The following KCNMB3 variants were observed in gnomAD, a reference collection of about 807,000 sequenced individuals.
The protein encoded by KCNMB3 is calcium-activated potassium channel subunit beta-3.
In KCNMB3, 18 loss-of-function variants were observed where a neutral mutation model predicts 11.9. The ratio of observed to expected loss-of-function variants is 1.51; its 90% CI spans 1.04 to 2.23. The LOEUF (loss-of-function observed/expected upper bound fraction) is 2.23. KCNMB3 is among the 30% of genes most tolerant of loss of function. The pLI is 0.00. For synonymous variants in KCNMB3, 78 were observed against 119.2 expected (o/e 0.65, Z 2.25); for missense variants, 247 against 329.4 (o/e 0.75, Z 1.94).
At chr3:179,254,816 A>G (rs1725959940), upstream of KCNMB3, among the ~76,000 whole-genome samples, 2 of 152,170 alleles carry the variant, frequency 1.3e-5, no homozygotes, top group Admixed American at 6.5e-5. Flanking sequence ...AATAAAATAA[A>G]AAAAGAAGAC....
chr3:179,239,894 G>A, downstream of KCNMB3: 1 of 688,674 alleles, frequency 1.5e-6, no homozygotes, highest in East Asian at 2.9e-5. Flanking sequence ...CAAGATGCAT[G>A]TGTTACTATA....
At chr3:179,248,303 T>C (rs1333135155) in intron 1 of KCNMB3, among the ~76,000 whole-genome samples, 4 of 152,198 alleles carry the variant, frequency 2.6e-5, no homozygotes, top group East Asian at 3.8e-4. Flanking sequence ...ATAGTATGTA[T>C]TGAGCATACA....
chr3:179,258,088 G>A (rs973150520), intron 1 of KCNMB3, among the ~76,000 whole-genome samples: 15 of 152,118 alleles, frequency 9.9e-5, no homozygotes, highest in African/African-American at 3.1e-4. Context: ...GTTTCACCAT[G>A]TTGGCCAGGC....
intron 1 of KCNMB3, among the ~76,000 whole-genome samples, chr3:179,246,183 G>A (rs560851758): frequency 7.3e-4 from 111 of 152,268 alleles, no homozygotes; most frequent in Non-Finnish European, 1.4e-3. Context: ...AGGCCGAGGC[G>A]GGCAGATCAC....
chr3:179,250,079 T>G (rs1725783712), intron 1 of KCNMB3, among the ~76,000 whole-genome samples: 1 of 152,012 alleles, frequency 6.6e-6, no homozygotes, highest in Non-Finnish European at 1.5e-5. Context: ...AGAAAACATG[T>G]TTACTATTTA....
At chr3:179,250,083 C>G (rs1241975431) in intron 1 of KCNMB3, among the ~76,000 whole-genome samples, 1 of 152,082 alleles carries the variant, frequency 6.6e-6, no homozygotes, top group Admixed American at 6.6e-5. Context: ...AACATGTTTA[C>G]TATTTACTAA....
rs757413543 is a variant in KCNMB3 at position 179,250,942 on chromosome 3, G to A, written c.49C>T (p.Pro17Ser). The change falls in exon 1 of 3, where the codon CCC (proline) becomes TCC (serine). Residue 17 changes from proline to serine, a missense_variant. Coordinates refer to ENST00000392685, the MANE Select transcript of KCNMB3 (RefSeq NM_171830.2). ...GAGGCAGGAAAGGCTGTCCTTTGGG[G>A]AAAGGGAGAAGGAGATACTGCAGTG... ...ELTAVSPSPF[P>S]QRTAFPASGK... 5 of 1,614,024 alleles carry A rather than the reference G, an allele frequency of 3.1e-6. No individual in the cohort carries two copies. The highest frequency in any genetic ancestry group is 1.7e-5 in the Admixed American group (1 of 60,000).
exon 1 of KCNMB3, chr3:179,266,930 GTC>G (rs1434164237): frequency 1.4e-6 from 2 of 1,407,946 alleles, no homozygotes; most frequent in Admixed American, 5.8e-5. Flanking sequence ...AGGCGGAGCG[GTC>G]AGTTCTAGAT....
upstream of KCNMB3, chr3:179,251,778 G>C: frequency 2.0e-6 from 1 of 505,198 alleles, no homozygotes; most frequent in Non-Finnish European, 3.1e-6. Flanking sequence ...CCCAGGCTGG[G>C]TACGATCTCA....
At chr3:179,258,999 C>T (rs566399598) in intron 1 of KCNMB3, 23 of 1,613,650 alleles carry the variant, frequency 1.4e-5, no homozygotes, top group East Asian at 1.1e-4. Flanking sequence ...CTGTGCACCA[C>T]GCCTGCCGCC....
In KCNMB3 at chr3:179,244,442, C is replaced by T. The variant is rs142185837; in HGVS notation, c.447+53G>A. 55 of 1,443,648 alleles carry T rather than the reference C, an allele frequency of 3.8e-5. No individual in the cohort carries two copies. The African/African-American group carries it at 7.0e-4, about 18-fold the overall frequency. The allele number at this position is 1,443,648 out of a possible 1,614,324, so 89.4% of individuals were successfully genotyped here. A position where few individuals can be genotyped will look rare whatever the true frequency, so the allele number is the denominator to read the frequency against. On this transcript the variant is annotated intron_variant, in intron 2 of 2. Coordinates refer to ENST00000392685, the MANE Select transcript of KCNMB3 (RefSeq NM_171830.2). ...GGTTATTTATGTACCCTGCTAGGGA[C>T]AGTCTGGCAGGGAAGGGTTGCTGTC... is the stretch of plus-strand genomic sequence containing the variant.
At chr3:179,254,486 T>G (rs1032159854), upstream of KCNMB3, among the ~76,000 whole-genome samples, 2 of 152,210 alleles carry the variant, frequency 1.3e-5, no homozygotes, top group Non-Finnish European at 2.9e-5. Context: ...GTATGTTCTC[T>G]GTAGGCACAC....
At chr3:179,262,377 G>A (rs1282294232) in intron 1 of KCNMB3, among the ~76,000 whole-genome samples, 1 of 151,982 alleles carries the variant, frequency 6.6e-6, no homozygotes. Flanking sequence ...TTAAGGCGGC[G>A]CCTCTGGAGT....
upstream of KCNMB3, among the ~76,000 whole-genome samples, chr3:179,253,127 T>G (rs1415503955): frequency 1.3e-5 from 2 of 152,204 alleles, no homozygotes; most frequent in African/African-American, 4.8e-5. Context: ...CAGGACCCAA[T>G]ATCCTGCATT....
At chr3:179,253,831 T>TA (rs1239571386), upstream of KCNMB3, among the ~76,000 whole-genome samples, 1 of 152,018 alleles carries the variant, frequency 6.6e-6, no homozygotes, top group Non-Finnish European at 1.5e-5. Flanking sequence ...TAAATAAATT[T>TA]AAAAATTTTT....
At chr3:179,267,031 C>A, upstream of KCNMB3, 2 of 733,264 alleles carry the variant, frequency 2.7e-6, no homozygotes, top group African/African-American at 1.8e-5. Context: ...ACCTGTGTTT[C>A]CGCCTCGGCA....
chr3:179,255,555 A>G (rs1225735888), upstream of KCNMB3, among the ~76,000 whole-genome samples: 14 of 152,208 alleles, frequency 9.2e-5, no homozygotes. Context: ...TTTTAAATGG[A>G]AAGTATTAAA....
upstream of KCNMB3, among the ~76,000 whole-genome samples, chr3:179,254,316 C>T (rs2108449896): frequency 6.6e-6 from 1 of 152,328 alleles, no homozygotes; most frequent in Admixed American, 6.5e-5. Context: ...AGGAAAACTA[C>T]AATCTCCCCT....
upstream of KCNMB3, among the ~76,000 whole-genome samples, chr3:179,253,589 T>G (rs1395940567): frequency 1.3e-5 from 2 of 152,184 alleles, no homozygotes; most frequent in African/African-American, 4.8e-5. Flanking sequence ...GCAGATCACC[T>G]GAGCTCAGGA....
Sources: gnomAD v4.1 joint callset for allele counts (sites outside exome capture counted in the v4.1 genomes callset) on GRCh38, gnomAD v4.1.1 for gene constraint, MANE v1.5 for transcripts, NCBI Gene and HGNC (gene_info 2026-07-23, HGNC 2026-07-21) for gene names.